Variants in SOX6 observed in about 807,000 individuals in gnomAD.
SOX6 encodes SRY-box transcription factor 6.
Under a neutral mutation model 97.8 loss-of-function variants are expected in SOX6, and 11 were observed. That is an observed-to-expected ratio of 0.11 (90% confidence interval 0.07 to 0.19). The LOEUF (loss-of-function observed/expected upper bound fraction) is 0.19. SOX6 is among the 10% of genes least tolerant of loss of function. The pLI, the probability that SOX6 is intolerant of heterozygous loss-of-function variation, is 1.00. For missense variants in SOX6, 810 were observed against 1,039.5 expected, an observed-to-expected ratio of 0.78 and a Z score of 3.04; for synonymous variants, 360 against 371.4, an observed-to-expected ratio of 0.97 and a Z score of 0.35.
At chr11:16,264,049 C>T (rs1393475624) in intron 3 of SOX6, among the ~76,000 whole-genome samples, 1 of 151,796 alleles carries the variant, frequency 6.6e-6, no homozygotes, top group Non-Finnish European at 1.5e-5. Flanking sequence ...TGTGTGTAAT[C>T]ATTTGGGTTC....
chr11:16,536,705 C>T (rs978530954), intron 4 of SOX6, among the ~76,000 whole-genome samples: 17 of 152,218 alleles, frequency 1.1e-4, no homozygotes, highest in Admixed American at 6.5e-5. Flanking sequence ...ACTGCTAGCA[C>T]AGCAGTCTGA....
intron 6 of SOX6, among the ~76,000 whole-genome samples, chr11:16,148,208 T>G (rs1008724082): frequency 1.1e-4 from 16 of 152,164 alleles, no homozygotes; most frequent in African/African-American, 3.6e-4. Context: ...AATCAGTTGT[T>G]GAGTTAGACC....
intron 3 of SOX6, among the ~76,000 whole-genome samples, chr11:16,265,358 A>G (rs1854050705): frequency 6.6e-6 from 1 of 151,890 alleles, no homozygotes; most frequent in Admixed American, 6.6e-5. Flanking sequence ...AAGGGCTTTT[A>G]GAAGCCTCAG....
intron 4 of SOX6, among the ~76,000 whole-genome samples, chr11:16,573,839 T>C (rs1476596949): frequency 6.6e-6 from 1 of 152,218 alleles, no homozygotes; most frequent in Non-Finnish European, 1.5e-5. Context: ...TTTGTTCCTC[T>C]TCTGAATCCT....
At chr11:16,309,132 C>CA (rs1855523991) in intron 3 of SOX6, among the ~76,000 whole-genome samples, 1 of 152,166 alleles carries the variant, frequency 6.6e-6, no homozygotes, top group African/African-American at 2.4e-5. Flanking sequence ...AAAAAGAACA[C>CA]AAAAATGTGT....
chr11:16,726,029 T>G (rs1224083757), intron 2 of SOX6, among the ~76,000 whole-genome samples: 1 of 152,224 alleles, frequency 6.6e-6, no homozygotes, highest in African/African-American at 2.4e-5. Context: ...AATTTAAACC[T>G]TAGCTGGGAA....
intron 13 of SOX6, among the ~76,000 whole-genome samples, chr11:15,991,309 C>T (rs920662631): frequency 7.2e-5 from 11 of 152,112 alleles, no homozygotes; most frequent in East Asian, 1.9e-4. Flanking sequence ...ATGTTTATTG[C>T]GCAGTGAAAT....
intron 13 of SOX6, among the ~76,000 whole-genome samples, chr11:16,014,342 G>C (rs1655797689): frequency 6.6e-6 from 1 of 152,036 alleles, no homozygotes; most frequent in Non-Finnish European, 1.5e-5. Flanking sequence ...CGTTAGTGAT[G>C]GTTAGTGCAT....
intron 9 of SOX6, among the ~76,000 whole-genome samples, chr11:16,075,307 G>A (rs1848327635): frequency 6.6e-6 from 1 of 152,218 alleles, no homozygotes; most frequent in Non-Finnish European, 1.5e-5. Context: ...GGACAGCAAA[G>A]GAGGAGCAAA....
intron 12 of SOX6, among the ~76,000 whole-genome samples, chr11:16,044,521 C>T (rs1158203393): frequency 6.6e-6 from 1 of 152,014 alleles, no homozygotes; most frequent in Non-Finnish European, 1.5e-5. Flanking sequence ...AAAGTAGTGC[C>T]CCATGGAACC....
At chr11:16,370,274 T>C (rs966870353) in intron 1 of SOX6, among the ~76,000 whole-genome samples, 1 of 152,186 alleles carries the variant, frequency 6.6e-6, no homozygotes, top group Non-Finnish European at 1.5e-5. Context: ...TTTGCTTTTT[T>C]AGTTTTCCAA....
At chr11:16,572,792 C>T (rs552181525) in intron 4 of SOX6, among the ~76,000 whole-genome samples, 1 of 152,188 alleles carries the variant, frequency 6.6e-6, no homozygotes, top group Non-Finnish European at 1.5e-5. Context: ...TTTCCTTATT[C>T]ATAATGTCTT....
chr11:16,566,033 T>C (rs4578351), intron 4 of SOX6, among the ~76,000 whole-genome samples: 43,504 of 150,144 alleles, frequency 0.29, 6,825 homozygotes, highest in South Asian at 0.52. Context: ...GAGGTGGAGC[T>C]TGCAGTGAGC....
upstream of SOX6, among the ~76,000 whole-genome samples, chr11:16,481,013 C>T (rs1860335692): frequency 6.6e-6 from 1 of 152,172 alleles, no homozygotes; most frequent in African/African-American, 2.4e-5. Flanking sequence ...ATAAAAATTA[C>T]ACATTAAAAA....
At chr11:16,090,995 GA>G (rs1475183490) in intron 9 of SOX6, among the ~76,000 whole-genome samples, 1 of 152,050 alleles carries the variant, frequency 6.6e-6, no homozygotes, top group African/African-American at 2.4e-5. Context: ...ATTTTACAAT[GA>G]AAAAAACTGC....
chr11:16,709,171 C>G (rs754329573), intron 3 of SOX6, among the ~76,000 whole-genome samples: 11 of 152,120 alleles, frequency 7.2e-5, no homozygotes, highest in Non-Finnish European at 1.5e-4. Flanking sequence ...TCATGAATGT[C>G]TTATTGCTGC....
At chr11:16,577,417 G>A (rs66506578) in intron 4 of SOX6, among the ~76,000 whole-genome samples, 22,243 of 151,988 alleles carry the variant, frequency 0.15, 1,783 homozygotes, top group African/African-American at 0.22. Flanking sequence ...AGAGAGAGTC[G>A]TATCTCAGCT....
chr11:16,349,700 G>A lies in SOX6; in HGVS notation c.-5+6394C>T, dbSNP rs1382310960. 9.1e-4 allele frequency among the ~76,000 whole-genome samples: 40 copies of A among 44,194 alleles called. 1 individual carries two copies. The highest frequency in any genetic ancestry group is 2.9e-3 in the African/African-American group (38 of 12,906). The allele number at this position is 44,194 out of a possible 152,430, so 29.0% of individuals were successfully genotyped here. ...AGGAAGGAAGGAAGGAAGGAAGGAA[G>A]GAAGGAAGGAAGGAAGAAGGAAGGA... On this transcript the variant is annotated intron_variant, in intron 1 of 15. Transcript: ENST00000683767.
At chr11:16,362,132 T>C (rs1036810124) in intron 1 of SOX6, among the ~76,000 whole-genome samples, 2 of 152,116 alleles carry the variant, frequency 1.3e-5, no homozygotes, top group African/African-American at 2.4e-5. Context: ...CCTTGTATCA[T>C]GTGGTTCCTC....
Sources: gnomAD v4.1 joint callset for allele counts (sites outside exome capture counted in the v4.1 genomes callset) on GRCh38, gnomAD v4.1.1 for gene constraint, MANE v1.5 for transcripts, NCBI Gene and HGNC (gene_info 2026-07-23, HGNC 2026-07-21) for gene names.